CADM2: variants seen among roughly 807,000 people sequenced by gnomAD.
CADM2 encodes the protein cell adhesion molecule 2, also known as immunoglobulin superfamily member 4D.
CADM2 carries 12 observed loss-of-function variants against 49.8 expected under a neutral mutation model. The observed-to-expected ratio is 0.24, with a 90% CI of 0.15 to 0.39. The LOEUF is 0.39. Ranked by LOEUF, CADM2 falls within the 10% of genes least tolerant of loss-of-function variation. The pLI, the probability that CADM2 is intolerant of heterozygous loss-of-function variation, is 1.00. For synonymous variants in CADM2, 214 were observed against 175.4 expected, an observed-to-expected ratio of 1.22 and a Z score of -1.74; for missense variants, 378 against 492.3, an observed-to-expected ratio of 0.77 and a Z score of 2.20.
At chr3:85,507,290 C>T (rs147279556) in intron 1 of CADM2, among the ~76,000 whole-genome samples, 4 of 149,476 alleles carry the variant, frequency 2.7e-5, no homozygotes, top group South Asian at 2.1e-4. Flanking sequence ...CATGTTCAAA[C>T]GATTCTCCTG....
intron 1 of CADM2, among the ~76,000 whole-genome samples, chr3:85,624,354 A>G (rs1490181144): frequency 6.6e-6 from 1 of 152,020 alleles, no homozygotes; most frequent in Non-Finnish European, 1.5e-5. Flanking sequence ...TTTTTTTGAG[A>G]TGGAGTCCCG....
chr3:85,406,200 A>G (rs957891351), intron 1 of CADM2, among the ~76,000 whole-genome samples: 3 of 152,112 alleles, frequency 2.0e-5, no homozygotes, highest in Non-Finnish European at 4.4e-5. Flanking sequence ...TTTGGATTAC[A>G]TCTTCTCAAT....
At chr3:85,351,922 A>G (rs1297049484) in intron 1 of CADM2, among the ~76,000 whole-genome samples, 2 of 152,110 alleles carry the variant, frequency 1.3e-5, no homozygotes, top group Non-Finnish European at 2.9e-5. Flanking sequence ...GACATCCATT[A>G]GAGAAATGGT....
chr3:85,327,230 A>G (rs1226084046), intron 1 of CADM2, among the ~76,000 whole-genome samples: 3 of 151,896 alleles, frequency 2.0e-5, no homozygotes, highest in African/African-American at 7.3e-5. Flanking sequence ...AATATGTTAA[A>G]CACACACATT....
At chr3:85,724,957 T>A (rs932926381) in intron 1 of CADM2, among the ~76,000 whole-genome samples, 3 of 151,862 alleles carry the variant, frequency 2.0e-5, no homozygotes, top group East Asian at 1.9e-4. Context: ...AATTATTGCA[T>A]CATAAGTAGT....
At chr3:84,981,548 A>G (rs895559670) in intron 1 of CADM2, among the ~76,000 whole-genome samples, 1 of 152,214 alleles carries the variant, frequency 6.6e-6, no homozygotes, top group South Asian at 2.1e-4. Flanking sequence ...CCCTATAGCT[A>G]TAAAGACAAC....
chr3:85,791,600 A>G (rs990100774), intron 2 of CADM2, among the ~76,000 whole-genome samples: 2 of 151,788 alleles, frequency 1.3e-5, no homozygotes, highest in African/African-American at 2.4e-5. Context: ...AGAGAGAGAA[A>G]ACAAAAAAAA....
chr3:85,615,973 A>T (rs2063790687), intron 1 of CADM2, among the ~76,000 whole-genome samples: 1 of 151,992 alleles, frequency 6.6e-6, no homozygotes, highest in Non-Finnish European at 1.5e-5. Context: ...TCACCAATAA[A>T]GTATAATGTG....
intron 1 of CADM2, among the ~76,000 whole-genome samples, chr3:85,723,563 T>C (rs1246862613): frequency 6.6e-6 from 1 of 152,116 alleles, no homozygotes; most frequent in Non-Finnish European, 1.5e-5. Flanking sequence ...TATATTAACC[T>C]AGTCTAGTAT....
intron 1 of CADM2, among the ~76,000 whole-genome samples, chr3:85,344,393 A>AAATG (rs2107207498): frequency 7.2e-6 from 1 of 138,192 alleles, no homozygotes; most frequent in Non-Finnish European, 1.5e-5. Context: ...ATAAATAAAT[A>AAATG]AATAAATAAA....
chr3:85,212,267 A>T (rs2041797421), intron 1 of CADM2, among the ~76,000 whole-genome samples: 1 of 152,082 alleles, frequency 6.6e-6, no homozygotes, highest in Non-Finnish European at 1.5e-5. Flanking sequence ...GTCCATTCAC[A>T]TTCAGTGTTG....
chr3:85,199,030 A>G (rs540272156), intron 1 of CADM2, among the ~76,000 whole-genome samples: 1 of 152,014 alleles, frequency 6.6e-6, no homozygotes, highest in South Asian at 2.1e-4. Context: ...GCAGCTATTT[A>G]TAAATTTAAC....
intron 1 of CADM2, among the ~76,000 whole-genome samples, chr3:85,019,618 T>C (rs1025097574): frequency 6.6e-6 from 1 of 152,188 alleles, no homozygotes; most frequent in African/African-American, 2.4e-5. Context: ...CATGAATATA[T>C]GCTTACAATC....
At chr3:85,031,630 T>C (rs2034984861) in intron 1 of CADM2, among the ~76,000 whole-genome samples, 1 of 152,168 alleles carries the variant, frequency 6.6e-6, no homozygotes, top group Non-Finnish European at 1.5e-5. Flanking sequence ...CTCTCCTGCC[T>C]CAGCCTCCCG....
chr3:85,614,681 T>C (rs942655122), intron 1 of CADM2, among the ~76,000 whole-genome samples: 6 of 151,938 alleles, frequency 3.9e-5, no homozygotes, highest in African/African-American at 1.4e-4. Context: ...GTTCATTATT[T>C]CTTACGTTGG....
At chr3:85,500,361 G>C (rs1355562860) in intron 1 of CADM2, among the ~76,000 whole-genome samples, 2 of 151,908 alleles carry the variant, frequency 1.3e-5, no homozygotes, top group Non-Finnish European at 2.9e-5. Flanking sequence ...ACAGTTTCCA[G>C]CTCCGAAATT....
intron 1 of CADM2, among the ~76,000 whole-genome samples, chr3:85,580,455 G>T (rs2062762455): frequency 6.6e-6 from 1 of 152,096 alleles, no homozygotes; most frequent in Non-Finnish European, 1.5e-5. Flanking sequence ...ACAACTTTCA[G>T]AATAAGATTA....
intron 1 of CADM2, among the ~76,000 whole-genome samples, chr3:85,502,034 A>AT (rs1263967245): frequency 6.6e-6 from 1 of 152,160 alleles, no homozygotes; most frequent in Non-Finnish European, 1.5e-5. Context: ...AAGTATTACA[A>AT]AAGAATGAGA....
chr3:85,648,229 G>A (rs1034754508), intron 1 of CADM2, among the ~76,000 whole-genome samples: 2 of 151,598 alleles, frequency 1.3e-5, no homozygotes, highest in Non-Finnish European at 1.5e-5. Flanking sequence ...ATGTCTTCCC[G>A]TTATCACAAG....
Sources: gnomAD v4.1 joint callset for allele counts (sites outside exome capture counted in the v4.1 genomes callset) on GRCh38, gnomAD v4.1.1 for gene constraint, MANE v1.5 for transcripts, NCBI Gene and HGNC (gene_info 2026-07-23, HGNC 2026-07-21) for gene names.